Variants in RALGAPA2 observed in about 807,000 individuals in gnomAD.
The protein encoded by RALGAPA2 is Ral GTPase activating protein catalytic subunit alpha 2.
In RALGAPA2, 139 loss-of-function variants were observed where a neutral mutation model predicts 230.4. That is an observed-to-expected ratio of 0.60 (90% CI 0.53 to 0.69). RALGAPA2 has a LOEUF of 0.69. Among genes scored for constraint, RALGAPA2 ranks in the 30% least tolerant of loss-of-function variants. The pLI is 0.00. For synonymous variants in RALGAPA2, 847 were observed against 837.8 expected (o/e 1.01, Z -0.19); for missense variants, 2,163 against 2,276.0 (o/e 0.95, Z 1.01).
intron 30 of RALGAPA2, 46 bp from the exon 31 acceptor site, chr20:20,521,146 T>TG: frequency 6.7e-7 from 1 of 1,497,638 alleles, no homozygotes; most frequent in South Asian, 1.3e-5. Flanking sequence ...ACTCACCGCG[T>TG]GTCCCCTGAC....
intron 1 of RALGAPA2, among the ~76,000 whole-genome samples, chr20:20,694,144 A>T (rs914189009): frequency 6.9e-6 from 1 of 145,236 alleles, no homozygotes; most frequent in Non-Finnish European, 1.5e-5. Context: ...CCGTAACTTT[A>T]AAAAAAAAAA....
chr20:20,534,952 G>A (rs2063462156), intron 26 of RALGAPA2, among the ~76,000 whole-genome samples: 1 of 152,156 alleles, frequency 6.6e-6, no homozygotes, highest in Non-Finnish European at 1.5e-5. Context: ...TTAGCTTCTG[G>A]TAAAAGCAGA....
At chr20:20,531,421 C>T (rs139578944) in intron 27 of RALGAPA2, among the ~76,000 whole-genome samples, 1 of 152,312 alleles carries the variant, frequency 6.6e-6, no homozygotes, top group Non-Finnish European at 1.5e-5. Context: ...TGACAGGTGA[C>T]CTCTTTGCGA....
At chr20:20,679,875 T>C (rs189316121) in intron 2 of RALGAPA2, among the ~76,000 whole-genome samples, 2 of 152,378 alleles carry the variant, frequency 1.3e-5, no homozygotes, top group East Asian at 3.9e-4. Context: ...CAGTTATTTA[T>C]GCATATGGCT....
intron 23 of RALGAPA2, among the ~76,000 whole-genome samples, chr20:20,564,307 C>CTATTTA (rs2064347416): frequency 6.6e-6 from 1 of 152,210 alleles, no homozygotes; most frequent in Non-Finnish European, 1.5e-5. Context: ...TCTTGTCCTG[C>CTATTTA]TATTTAAATC....
At chr20:20,648,746 G>C (rs1372862362) in intron 4 of RALGAPA2, among the ~76,000 whole-genome samples, 2 of 152,088 alleles carry the variant, frequency 1.3e-5, no homozygotes, top group African/African-American at 2.4e-5. Flanking sequence ...AGGCAAGCGA[G>C]CAGGAGGTCA....
At chr20:20,686,744 T>C (rs2068715049) in intron 1 of RALGAPA2, among the ~76,000 whole-genome samples, 1 of 152,182 alleles carries the variant, frequency 6.6e-6, no homozygotes, top group Admixed American at 6.5e-5. Context: ...ACCAGTGGGA[T>C]TATCCATCTA....
intron 37 of RALGAPA2, among the ~76,000 whole-genome samples, chr20:20,412,998 A>T (rs1250689819): frequency 6.6e-6 from 1 of 152,248 alleles, no homozygotes; most frequent in Non-Finnish European, 1.5e-5. Flanking sequence ...CGTCAGAACA[A>T]TCCCACAATG....
chr20:20,622,941 A>T (rs2146362664), intron 10 of RALGAPA2, among the ~76,000 whole-genome samples: 1 of 152,326 alleles, frequency 6.6e-6, no homozygotes, highest in African/African-American at 2.4e-5. Context: ...TAACATGTGT[A>T]CTGAGGGTAA....
chr20:20,531,368 C>T (rs1262792355), intron 27 of RALGAPA2, among the ~76,000 whole-genome samples: 1 of 152,184 alleles, frequency 6.6e-6, no homozygotes, highest in Non-Finnish European at 1.5e-5. Flanking sequence ...GCTGAAGAGG[C>T]CAGAGCACGA....
intron 20 of RALGAPA2, 39 bp downstream of exon 20, chr20:20,583,011 C>G (rs2065031048): frequency 1.3e-6 from 2 of 1,584,590 alleles, no homozygotes; most frequent in East Asian, 4.5e-5. Context: ...GATCTCCCAG[C>G]TGTTTGCATT....
chr20:20,642,367 T>C (rs931443735), intron 5 of RALGAPA2, among the ~76,000 whole-genome samples: 2 of 151,908 alleles, frequency 1.3e-5, no homozygotes, highest in Non-Finnish European at 2.9e-5. Flanking sequence ...TATGCCACCA[T>C]GCCCGGCTAA....
rs368724460 is a variant in RALGAPA2, at chr20:20,458,537, T to C, written c.5495+14292A>G. Among the ~76,000 whole-genome samples, 34 of 137,722 alleles carry C rather than the reference T, an allele frequency of 2.5e-4. 1 individual carries two copies. The highest frequency in any genetic ancestry group is 2.0e-3 in the East Asian group (10 of 4,898). 90.4% of individuals were successfully genotyped at this position (137,722 alleles called of 152,430 possible). On this transcript the variant is annotated intron_variant, in intron 37 of 39. Coordinates refer to ENST00000202677, the MANE Select transcript of RALGAPA2 (RefSeq NM_020343.4). ...ATATGTATTTTATATATATTATATATAATATATATGTATTTTATATATATT... is the reference window on the plus strand; with the variant it reads ...ATATGTATTTTATATATATTATATACAATATATATGTATTTTATATATATT...
At position 20,591,299 on chromosome 20, in the gene RALGAPA2, T is replaced by C; in HGVS notation, c.2219A>G (p.Gln740Arg). 1 of 1,613,850 alleles carries C rather than the reference T, an allele frequency of 6.2e-7. No individual in the cohort carries two copies. Among genetic ancestry groups the C allele is most frequent in the South Asian group, 1.1e-5 (1 of 91,064 alleles). The change falls in exon 17 of 40, where the codon CAA (glutamine) becomes CGA (arginine). Residue 740 changes from glutamine to arginine, a missense_variant. Gln to Arg is a conservative substitution (Grantham distance 43). Transcript: ENST00000202677. ...GGCTGCAGGTGCATTTTCTGACTGT[T>C]GACACTCCTCCACTTCTGTGAGCAT... is the stretch of plus-strand genomic sequence containing the variant. ...RQKATEVEEC[Q>R]QSENAPAAGS...
intron 1 of RALGAPA2, among the ~76,000 whole-genome samples, chr20:20,696,938 G>A (rs975008956): frequency 2.0e-5 from 3 of 152,074 alleles, no homozygotes; most frequent in African/African-American, 7.2e-5. Context: ...GTCTCACTGT[G>A]TTGGCCAGGT....
chr20:20,511,710 T>C (rs1254582482), intron 32 of RALGAPA2, among the ~76,000 whole-genome samples: 1 of 152,206 alleles, frequency 6.6e-6, no homozygotes, highest in Non-Finnish European at 1.5e-5. Flanking sequence ...TCTTCTCCAT[T>C]GCTCTGTACT....
intron 1 of RALGAPA2, among the ~76,000 whole-genome samples, chr20:20,705,757 C>T (rs912719313): frequency 1.3e-5 from 2 of 152,122 alleles, no homozygotes; most frequent in Non-Finnish European, 2.9e-5. Flanking sequence ...CAACCTCCAC[C>T]TCCCAGATTC....
chr20:20,707,401 GA>G (rs1555832160), intron 1 of RALGAPA2, among the ~76,000 whole-genome samples: 1 of 150,500 alleles, frequency 6.6e-6, no homozygotes, highest in African/African-American at 2.4e-5. Flanking sequence ...AGGGAAGGAA[GA>G]AAAAAAAGGA....
At chr20:20,673,991 C>G (rs1322548230) in intron 3 of RALGAPA2, among the ~76,000 whole-genome samples, 1 of 151,788 alleles carries the variant, frequency 6.6e-6, no homozygotes, top group Non-Finnish European at 1.5e-5. Context: ...AGTTTGAGAC[C>G]AGCCTAGACA....
Sources: gnomAD v4.1 joint callset for allele counts (sites outside exome capture counted in the v4.1 genomes callset) on GRCh38, gnomAD v4.1.1 for gene constraint, MANE v1.5 for transcripts, NCBI Gene and HGNC (gene_info 2026-07-23, HGNC 2026-07-21) for gene names.